Variants in SYNPR observed in about 807,000 individuals in gnomAD.
SYNPR encodes synaptoporin.
Under a neutral mutation model 32.9 loss-of-function variants are expected in SYNPR, and 23 were observed. That is an observed-to-expected ratio of 0.70 (90% CI 0.50 to 0.99). The LOEUF (loss-of-function observed/expected upper bound fraction) is 0.99. SYNPR is among the 50% of genes least tolerant of loss of function. The pLI is 0.00. For missense variants in SYNPR, 318 were observed against 349.3 expected, an observed-to-expected ratio of 0.91 and a Z score of 0.71; for synonymous variants, 146 against 135.9, an observed-to-expected ratio of 1.07 and a Z score of -0.52.
At position 63,595,872 on chromosome 3, in the gene SYNPR, TAA is replaced by T. The variant is rs1553650744; in HGVS notation, c.409-13252_409-13251del. 3.6e-5 allele frequency among the ~76,000 whole-genome samples: 3 copies of T among 84,340 alleles called. No individual in the cohort carries two copies. The East Asian group carries it at 1.2e-3, about 33-fold the overall frequency. 55.3% of individuals were successfully genotyped at this position (84,340 alleles called of 152,430 possible). A position where few individuals can be genotyped will look rare whatever the true frequency, so the allele number is the denominator to read the frequency against. Reference sequence around the variant, plus strand: ...TTATATATATATAGTTATATATATATAATTTTATATATATATAGTTTTATATA... The same window carrying T: ...TTATATATATATAGTTATATATATATTTTTATATATATATAGTTTTATATA... On this transcript the variant is annotated intron_variant, in intron 4 of 5. Transcript: ENST00000478300.
intron 2 of SYNPR, among the ~76,000 whole-genome samples, chr3:63,293,896 A>C (rs1443794261): frequency 6.6e-6 from 1 of 152,062 alleles, no homozygotes; most frequent in African/African-American, 2.4e-5. Context: ...TCATATCTGC[A>C]GTGTCCCTCT....
chr3:63,585,538 A>G (rs1213251002), intron 4 of SYNPR, among the ~76,000 whole-genome samples: 1 of 151,862 alleles, frequency 6.6e-6, no homozygotes, highest in East Asian at 1.9e-4. Context: ...AACACTACAC[A>G]TTGCAGAGAA....
At chr3:63,341,834 TTTTTTAATGTTAATG>T (rs2087373850) in intron 2 of SYNPR, among the ~76,000 whole-genome samples, 1 of 152,140 alleles carries the variant, frequency 6.6e-6, no homozygotes. Flanking sequence ...AAAGCAGATG[TTTTTTAATGTTAATG>T]TTTTTAATGT....
chr3:63,424,950 T>C (rs1013746051), intron 2 of SYNPR, among the ~76,000 whole-genome samples: 4 of 152,192 alleles, frequency 2.6e-5, no homozygotes, highest in African/African-American at 4.8e-5. Flanking sequence ...TGTGTGTAAA[T>C]TTTTTTAGCA....
At chr3:63,510,490 T>C (rs563820573) in intron 3 of SYNPR, among the ~76,000 whole-genome samples, 85 of 152,248 alleles carry the variant, frequency 5.6e-4, no homozygotes, top group African/African-American at 1.7e-3. Context: ...AGCAGAAATA[T>C]GAACGTGCCA....
In SYNPR at chr3:63,615,801, T is replaced by C. The variant is rs928522255; in HGVS notation, c.*320T>C. The C allele has an allele frequency of 9.3e-6, 2 of 215,672 alleles. No individual in the cohort carries two copies. Among genetic ancestry groups the C allele is most frequent in the African/African-American group, 2.3e-5 (1 of 43,600 alleles). The allele number at this position is 215,672 out of a possible 1,614,324, so 13.4% of individuals were successfully genotyped here. ...GTAGCTTAAAGTCTCTAGTATGTAA[T>C]ATGCATAAAGTAAATCAAATAGCGT... On this transcript the variant is annotated 3_prime_UTR_variant, in exon 6 of 6. Transcript: ENST00000478300.
intron 2 of SYNPR, among the ~76,000 whole-genome samples, chr3:63,400,672 T>A (rs1560217923): frequency 2.6e-5 from 4 of 152,220 alleles, no homozygotes; most frequent in African/African-American, 7.2e-5. Context: ...GTCACCGAAC[T>A]GAGCCCACAC....
chr3:63,370,831 G>A (rs924976931), intron 2 of SYNPR, among the ~76,000 whole-genome samples: 4 of 152,128 alleles, frequency 2.6e-5, no homozygotes, highest in East Asian at 1.9e-4. Context: ...AAAATTTAGA[G>A]TACTGAGTTA....
upstream of SYNPR, among the ~76,000 whole-genome samples, chr3:63,226,429 T>C (rs530902319): frequency 2.0e-5 from 3 of 152,140 alleles, no homozygotes; most frequent in Non-Finnish European, 4.4e-5. Context: ...CTATTCACAA[T>C]AGCAAAGATA....
intron 2 of SYNPR, among the ~76,000 whole-genome samples, chr3:63,344,800 G>C (rs1342370969): frequency 6.6e-6 from 1 of 152,076 alleles, no homozygotes; most frequent in Non-Finnish European, 1.5e-5. Flanking sequence ...TCCGAGGCTA[G>C]GGCTTTTCAA....
At chr3:63,384,231 A>G (rs2088012208) in intron 2 of SYNPR, among the ~76,000 whole-genome samples, 1 of 152,234 alleles carries the variant, frequency 6.6e-6, no homozygotes, top group Non-Finnish European at 1.5e-5. Flanking sequence ...TTATTGCAAC[A>G]CTATGAAGGC....
chr3:63,519,904 T>TTG (rs1176437608), intron 3 of SYNPR, among the ~76,000 whole-genome samples: 2 of 152,208 alleles, frequency 1.3e-5, no homozygotes, highest in Non-Finnish European at 2.9e-5. Context: ...ATAATTCACA[T>TTG]CACCCTGAGA....
intron 3 of SYNPR, among the ~76,000 whole-genome samples, chr3:63,271,357 G>A (rs986478385): frequency 6.6e-6 from 1 of 152,090 alleles, no homozygotes; most frequent in African/African-American, 2.4e-5. Context: ...AAATTAAGGT[G>A]AATTTTACTT....
upstream of SYNPR, among the ~76,000 whole-genome samples, chr3:63,276,628 C>A (rs1273657636): frequency 1.6e-5 from 2 of 124,920 alleles, no homozygotes; most frequent in Non-Finnish European, 3.5e-5. Flanking sequence ...GTTCCCCCCA[C>A]CCCTCCCCCA....
chr3:63,207,495 G>C, the SYNPR span, among the ~76,000 whole-genome samples: 1 of 152,092 alleles, frequency 6.6e-6, no homozygotes, highest in Non-Finnish European at 1.5e-5. Flanking sequence ...GAACAATTTG[G>C]TAAGTATTCA....
upstream of SYNPR, among the ~76,000 whole-genome samples, chr3:63,227,581 T>A (rs2086137963): frequency 1.3e-5 from 2 of 152,246 alleles, no homozygotes; most frequent in Middle Eastern, 3.4e-3. Context: ...GTTATCAGGG[T>A]CTCAAGATCC....
intron 2 of SYNPR, among the ~76,000 whole-genome samples, chr3:63,300,578 C>A (rs870364): frequency 6.6e-6 from 1 of 151,922 alleles, no homozygotes; most frequent in Admixed American, 6.6e-5. Flanking sequence ...AAGGTAGTCC[C>A]TGCTCTAGAG....
chr3:63,425,978 G>T (rs1699886143), intron 2 of SYNPR, among the ~76,000 whole-genome samples: 1 of 151,800 alleles, frequency 6.6e-6, no homozygotes, highest in Non-Finnish European at 1.5e-5. Context: ...GTAGAAATGG[G>T]GTTTCACTAT....
chr3:63,434,197 A>G (rs1432062762), intron 2 of SYNPR, among the ~76,000 whole-genome samples: 1 of 152,220 alleles, frequency 6.6e-6, no homozygotes. Flanking sequence ...TTCTGGAGGC[A>G]TAGTGGTTTA....
Sources: allele counts gnomAD v4.1 joint callset (sites outside exome capture counted in the v4.1 genomes callset), GRCh38; gene constraint gnomAD v4.1.1; transcripts MANE v1.5; gene names NCBI Gene and HGNC (gene_info 2026-07-23, HGNC 2026-07-21).